LAMC1: variants seen among roughly 807,000 people sequenced by gnomAD.
LAMC1 encodes laminin subunit gamma 1, also known as laminin subunit gamma-1.
In LAMC1, 38 loss-of-function variants were observed where a neutral mutation model predicts 173.6. That is an observed-to-expected ratio of 0.22 (90% CI 0.17 to 0.29). The LOEUF (loss-of-function observed/expected upper bound fraction) is 0.29, where lower values mean the gene tolerates loss of function less well. Ranked by LOEUF, LAMC1 falls within the 10% of genes least tolerant of loss-of-function variation. LAMC1 has a pLI of 1.00. For synonymous variants in LAMC1, 746 were observed against 749.1 expected (o/e 1.00, Z 0.07); for missense variants, 1,824 against 2,051.8 (o/e 0.89, Z 2.14).
At chr1:183,050,548 C>T (rs1189284208) in intron 1 of LAMC1, among the ~76,000 whole-genome samples, 2 of 141,066 alleles carry the variant, frequency 1.4e-5, no homozygotes, top group Non-Finnish European at 3.1e-5. Context: ...TCCCAAAGTG[C>T]TGGGATTACA....
At chr1:183,098,275 A>G (rs1274969581) in intron 1 of LAMC1, among the ~76,000 whole-genome samples, 3 of 152,224 alleles carry the variant, frequency 2.0e-5, no homozygotes, top group Admixed American at 2.0e-4. Context: ...GCTATTTAAC[A>G]GAATAAAAAG....
chr1:183,115,980 A>T (rs34790846), intron 6 of LAMC1, among the ~76,000 whole-genome samples: 2 of 152,158 alleles, frequency 1.3e-5, no homozygotes, highest in African/African-American at 2.4e-5. Context: ...TACAAAAAAA[A>T]TTAGCCAGGC....
At chr1:183,107,465 C>T (rs913578612) in intron 2 of LAMC1, among the ~76,000 whole-genome samples, 2 of 152,166 alleles carry the variant, frequency 1.3e-5, no homozygotes, top group Admixed American at 6.5e-5. Flanking sequence ...GATTTATTAG[C>T]GAGTACTTGA....
intron 1 of LAMC1, among the ~76,000 whole-genome samples, chr1:183,069,624 A>G (rs1333771977): frequency 2.6e-5 from 4 of 152,212 alleles, no homozygotes; most frequent in Non-Finnish European, 5.9e-5. Flanking sequence ...TGTAGCATCC[A>G]ACCAGATTGT....
chr1:183,098,587 C>T lies in LAMC1; in HGVS notation c.419-4741C>T, dbSNP rs532288826. Among the ~76,000 whole-genome samples, 5 of 152,326 alleles carry T rather than the reference C, an allele frequency of 3.3e-5. No individual in the cohort carries two copies. In the South Asian group the frequency reaches 1.0e-3, roughly 32 times the overall value. On this transcript the variant is annotated intron_variant, in intron 1 of 27. Coordinates refer to ENST00000258341, the MANE Select transcript of LAMC1 (RefSeq NM_002293.4). Reference sequence around the variant, plus strand: ...AAGCCTTCTTTTTTCTAGTCAGCTACCTTTGCTGGACTTTACATTGGCTAT... The same window carrying T: ...AAGCCTTCTTTTTTCTAGTCAGCTATCTTTGCTGGACTTTACATTGGCTAT...
intron 1 of LAMC1, among the ~76,000 whole-genome samples, chr1:183,055,598 G>T (rs1023966459): frequency 6.6e-6 from 1 of 152,072 alleles, no homozygotes; most frequent in African/African-American, 2.4e-5. Context: ...CAGATCACAA[G>T]GTCAAGAGAT....
intron 4 of LAMC1, 110 bp downstream of exon 4, chr1:183,110,764 C>T: frequency 8.6e-7 from 1 of 1,156,414 alleles, no homozygotes; most frequent in Non-Finnish European, 1.2e-6. Flanking sequence ...CTCTGAAAGG[C>T]CAGCTTTTTG....
intron 1 of LAMC1, among the ~76,000 whole-genome samples, chr1:183,047,618 GATAGACCC>G (rs1265972245): frequency 1.3e-5 from 2 of 152,188 alleles, no homozygotes; most frequent in African/African-American, 4.8e-5. Flanking sequence ...TTTGGGGATA[GATAGACCC>G]ATGTGTAATT....
intron 1 of LAMC1, among the ~76,000 whole-genome samples, chr1:183,051,121 T>C (rs529639453): frequency 6.6e-6 from 1 of 152,286 alleles, no homozygotes; most frequent in East Asian, 1.9e-4. Flanking sequence ...CTGATTTTGA[T>C]TGTTATGATG....
intron 1 of LAMC1, among the ~76,000 whole-genome samples, chr1:183,052,233 C>T (rs879470519): frequency 6.6e-6 from 1 of 152,102 alleles, no homozygotes; most frequent in Non-Finnish European, 1.5e-5. Flanking sequence ...TTCTGTCTTT[C>T]ACAATTACCC....
At chr1:183,098,490 C>T (rs1259463053) in intron 1 of LAMC1, among the ~76,000 whole-genome samples, 2 of 152,232 alleles carry the variant, frequency 1.3e-5, no homozygotes, top group African/African-American at 4.8e-5. Flanking sequence ...GCAGAAATCA[C>T]ACCTCCACAG....
intron 1 of LAMC1, among the ~76,000 whole-genome samples, chr1:183,081,087 C>T (rs1015014502): frequency 4.0e-5 from 6 of 151,774 alleles, no homozygotes; most frequent in Admixed American, 3.9e-4. Flanking sequence ...TGGGATTTCA[C>T]TATCTTGGCC....
chr1:183,117,771 G>A lies in LAMC1; in HGVS notation c.1877+48G>A, dbSNP rs577947055. 1.3e-5 allele frequency: 19 copies of A among 1,518,268 alleles called. 1 individual carries two copies. In the Middle Eastern group the frequency reaches 5.6e-4, roughly 45 times the overall value. 94.0% of individuals were successfully genotyped at this position (1,518,268 alleles called of 1,614,324 possible). ...GTGAGACTTGACGAACATTGTGAAA[G>A]TGGTGTCTTTATTTAAGTTTAACTG... is the stretch of plus-strand genomic sequence containing the variant. On this transcript the variant is annotated intron_variant, in intron 10 of 27. Coordinates refer to ENST00000258341, the MANE Select transcript of LAMC1 (RefSeq NM_002293.4).
At chr1:183,076,289 A>G (rs556829607) in intron 1 of LAMC1, among the ~76,000 whole-genome samples, 1 of 152,288 alleles carries the variant, frequency 6.6e-6, no homozygotes, top group Non-Finnish European at 1.5e-5. Flanking sequence ...CTTTATATTC[A>G]TGCTTTCAGC....
chr1:183,103,521 G>A lies in LAMC1; in HGVS notation c.612G>A (p.Leu204=). 1 of 1,614,130 alleles carries A rather than the reference G, an allele frequency of 6.2e-7. No individual in the cohort carries two copies. Among genetic ancestry groups the A allele is most frequent in the Non-Finnish European group, 8.5e-7 (1 of 1,180,018 alleles). Reference sequence around the variant, plus strand: ...CAGGAGGGGACGAGCAGCAGGCCTTGTGTACTGATGAATTCAGTGACATTT... The same window carrying A: ...CAGGAGGGGACGAGCAGCAGGCCTTATGTACTGATGAATTCAGTGACATTT... ...IRTGGDEQQA[L]CTDEFSDISP... The change falls in exon 2 of 28, where the codon TTG becomes TTA. Residue 204 remains leucine (L), a synonymous_variant. Transcript: ENST00000258341.
At chr1:183,067,454 A>G (rs1386940925) in intron 1 of LAMC1, among the ~76,000 whole-genome samples, 2 of 152,170 alleles carry the variant, frequency 1.3e-5, no homozygotes, top group Non-Finnish European at 2.9e-5. Flanking sequence ...GTACTTATAT[A>G]TATAGATATA....
intron 1 of LAMC1, among the ~76,000 whole-genome samples, chr1:183,036,299 C>A (rs1653980278): frequency 6.6e-6 from 1 of 151,380 alleles, no homozygotes; most frequent in Admixed American, 6.6e-5. Flanking sequence ...GGGGTTTCGC[C>A]ATGTTAGCCA....
chr1:183,031,547 G>C (rs1406946812), intron 1 of LAMC1, among the ~76,000 whole-genome samples: 2 of 152,028 alleles, frequency 1.3e-5, no homozygotes, highest in African/African-American at 2.4e-5. Flanking sequence ...CAGGTGATCT[G>C]CCCGTCGTGG....
chr1:183,032,544 CAA>C (rs1653873187), intron 1 of LAMC1, among the ~76,000 whole-genome samples: 1 of 151,808 alleles, frequency 6.6e-6, no homozygotes, highest in African/African-American at 2.4e-5. Flanking sequence ...TTTAAAGAGA[CAA>C]AGTCTCACTC....
Sources: allele counts gnomAD v4.1 joint callset (sites outside exome capture counted in the v4.1 genomes callset), GRCh38; gene constraint gnomAD v4.1.1; transcripts MANE v1.5; gene names NCBI Gene and HGNC (gene_info 2026-07-23, HGNC 2026-07-21).